Variants in STIM1 observed in about 807,000 individuals in gnomAD.
STIM1 encodes stromal interaction molecule 1.
In STIM1, 25 loss-of-function variants were observed where a neutral mutation model predicts 74.7. The observed-to-expected ratio is 0.33, with a 90% CI of 0.24 to 0.47. The LOEUF is 0.47. STIM1 is among the 20% of genes least tolerant of loss of function. The pLI is 1.00. For synonymous variants in STIM1, 328 were observed against 348.8 expected (o/e 0.94, Z 0.66); for missense variants, 728 against 920.8 (o/e 0.79, Z 2.71).
chr11:3,898,987 T>C (rs2092271741), intron 1 of STIM1, among the ~76,000 whole-genome samples: 1 of 151,840 alleles, frequency 6.6e-6, no homozygotes, highest in Admixed American at 6.6e-5. Context: ...TAGGACTGAC[T>C]TGGCGATGTG....
At chr11:3,913,936 G>A (rs991852901) in intron 1 of STIM1, among the ~76,000 whole-genome samples, 2 of 151,670 alleles carry the variant, frequency 1.3e-5, no homozygotes, top group Non-Finnish European at 2.9e-5. Context: ...GTAACGTGTC[G>A]GTACTTTCTT....
At chr11:4,055,412 G>A in intron 3 of STIM1, 114 bp from the exon 4 acceptor site, 2 of 794,608 alleles carry the variant, frequency 2.5e-6, no homozygotes, top group Non-Finnish European at 4.3e-6. Context: ...AGTATTTTAT[G>A]GGACAGATAG....
At chr11:4,025,123 C>G (rs2093988503) in intron 3 of STIM1, among the ~76,000 whole-genome samples, 2 of 152,168 alleles carry the variant, frequency 1.3e-5, no homozygotes, top group South Asian at 4.1e-4. Context: ...TTTCAATACC[C>G]TCTTGGTTGA....
intron 7 of STIM1, among the ~76,000 whole-genome samples, chr11:4,074,901 G>A (rs1215237354): frequency 6.6e-6 from 1 of 152,146 alleles, no homozygotes; most frequent in Non-Finnish European, 1.5e-5. Flanking sequence ...CACTTTGGGA[G>A]GCCAAGGCAG....
At chr11:3,932,766 C>G (rs990432962) in intron 1 of STIM1, among the ~76,000 whole-genome samples, 1 of 151,986 alleles carries the variant, frequency 6.6e-6, no homozygotes, top group African/African-American at 2.4e-5. Context: ...CATCTATGAA[C>G]CAGTAAGCGG....
rs144517508 is a variant in STIM1 at position 4,039,456 on chromosome 11, G to A, written c.385+15469G>A. 1.5e-3 allele frequency among the ~76,000 whole-genome samples: 220 copies of A among 151,570 alleles called. 4 individuals carry two copies. Among genetic ancestry groups the A allele is most frequent in the East Asian group, 0.013 (65 of 5,086 alleles). The stretch of plus-strand genomic sequence containing the variant: ...ACAAAAATTAGCTGGGCATGGTGGC[G>A]GGCACCTGTAATCACGGCTACTCGG... On this transcript the variant is annotated intron_variant, in intron 3 of 12. Coordinates refer to ENST00000526596, the MANE Select transcript of STIM1 (RefSeq NM_001382567.1).
intron 2 of STIM1, among the ~76,000 whole-genome samples, chr11:3,996,914 T>C (rs1041879965): frequency 3.9e-5 from 6 of 152,242 alleles, no homozygotes; most frequent in African/African-American, 1.4e-4. Flanking sequence ...TGTGGCAGTA[T>C]TTACCCCAAT....
intron 2 of STIM1, among the ~76,000 whole-genome samples, chr11:3,977,010 G>A (rs769199258): frequency 2.6e-5 from 4 of 152,008 alleles, no homozygotes; most frequent in Non-Finnish European, 2.9e-5. Context: ...GGTCATGCTG[G>A]TCTTGAACTT....
At chr11:4,054,975 C>G (rs1236505185) in intron 3 of STIM1, among the ~76,000 whole-genome samples, 1 of 152,146 alleles carries the variant, frequency 6.6e-6, no homozygotes, top group Non-Finnish European at 1.5e-5. Flanking sequence ...AGCTTTTGAT[C>G]TCTTCCACTG....
intron 1 of STIM1, among the ~76,000 whole-genome samples, chr11:3,941,673 T>TATATATATAGAGAG (rs141623520): frequency 6.6e-5 from 6 of 90,734 alleles, no homozygotes; most frequent in Non-Finnish European, 9.3e-5. Flanking sequence ...TATATATATA[T>TATATATATAGAGAG]AGAGAGAGAG....
chr11:4,011,946 AG>A (rs2093841336), intron 2 of STIM1, among the ~76,000 whole-genome samples: 1 of 152,242 alleles, frequency 6.6e-6, no homozygotes, highest in Non-Finnish European at 1.5e-5. Flanking sequence ...ACATATGGCT[AG>A]CCAGTTTTCC....
intron 2 of STIM1, among the ~76,000 whole-genome samples, chr11:3,975,122 GGT>G (rs561865565): frequency 8.5e-4 from 129 of 152,326 alleles, no homozygotes; most frequent in Non-Finnish European, 1.7e-3. Flanking sequence ...GTATGTCACA[GGT>G]GATTAAGTGA....
At chr11:3,901,042 T>G (rs2092334190) in intron 1 of STIM1, among the ~76,000 whole-genome samples, 1 of 152,158 alleles carries the variant, frequency 6.6e-6, no homozygotes, top group Admixed American at 6.5e-5. Flanking sequence ...AATACAAAAA[T>G]TAGCCGGGCA....
chr11:4,081,001 G>GT (rs141589146), intron 7 of STIM1, among the ~76,000 whole-genome samples: 11,534 of 148,678 alleles, frequency 0.078, 1,324 homozygotes, highest in African/African-American at 0.26. Context: ...CTATTTTTAG[G>GT]TTTTTTTTTT....
chr11:4,003,499 C>T (rs1407339051), intron 2 of STIM1, among the ~76,000 whole-genome samples: 1 of 150,950 alleles, frequency 6.6e-6, no homozygotes, highest in Non-Finnish European at 1.5e-5. Context: ...ACATGATTAT[C>T]TCAATAGATG....
rs2094522902 is a variant in STIM1 at position 4,091,272 on chromosome 11, T to C, written c.1635-10T>C. On this transcript the variant is annotated splice_polypyrimidine_tract_variant and intron_variant, in intron 12 of 12. Coordinates refer to ENST00000526596, the MANE Select transcript of STIM1 (RefSeq NM_001382567.1). ...TGTCCCTTTCTTCCTCTCTGCCCCATGTCTTGCAGGGATTTGACCCATTCC... is the reference window on the plus strand; with the variant it reads ...TGTCCCTTTCTTCCTCTCTGCCCCACGTCTTGCAGGGATTTGACCCATTCC... 2 of 1,614,028 alleles carry C rather than the reference T, an allele frequency of 1.2e-6. No individual in the cohort carries two copies. The highest frequency in any genetic ancestry group is 1.3e-5 in the African/African-American group (1 of 74,934).
chr11:4,018,453 C>T (rs189633029), intron 2 of STIM1, among the ~76,000 whole-genome samples: 4,589 of 79,106 alleles, frequency 0.058, 345 homozygotes, highest in African/African-American at 0.17. Flanking sequence ...AGCGAGACTC[C>T]GTCTCAAAAA....
chr11:3,892,084 G>C (rs1395451402), intron 1 of STIM1, among the ~76,000 whole-genome samples: 1 of 152,240 alleles, frequency 6.6e-6, no homozygotes, highest in Non-Finnish European at 1.5e-5. Flanking sequence ...CTTGATTTCA[G>C]AAATCTCTTC....
chr11:3,965,981 TG>T (rs1343351797), intron 1 of STIM1, among the ~76,000 whole-genome samples: 2 of 152,124 alleles, frequency 1.3e-5, no homozygotes, highest in African/African-American at 4.8e-5. Flanking sequence ...CACTCAAACC[TG>T]GGCAACAGGG....
Sources: allele counts gnomAD v4.1 joint callset (sites outside exome capture counted in the v4.1 genomes callset), GRCh38; gene constraint gnomAD v4.1.1; transcripts MANE v1.5; gene names NCBI Gene and HGNC (gene_info 2026-07-23, HGNC 2026-07-21).